The following OPCML variants were observed in gnomAD, a reference collection of about 807,000 sequenced individuals.
OPCML encodes the protein opioid-binding protein/cell adhesion molecule.
OPCML carries 13 observed loss-of-function variants against 37.8 expected under a neutral mutation model. That is an observed-to-expected ratio of 0.34 (90% CI 0.22 to 0.55). The LOEUF (loss-of-function observed/expected upper bound fraction) is 0.55. Ranked by LOEUF, OPCML falls within the 20% of genes least tolerant of loss-of-function variation. The pLI is 0.91. For synonymous variants in OPCML, 176 were observed against 168.8 expected, an observed-to-expected ratio of 1.04 and a Z score of -0.33; for missense variants, 341 against 435.6, an observed-to-expected ratio of 0.78 and a Z score of 1.93.
intron 1 of OPCML, among the ~76,000 whole-genome samples, chr11:133,341,803 A>G (rs1304227229): frequency 6.6e-6 from 1 of 152,122 alleles, no homozygotes; most frequent in Non-Finnish European, 1.5e-5. Context: ...CTGTAATCCC[A>G]GCTACTCGGG....
chr11:133,260,122 G>A (rs758254486), intron 1 of OPCML, among the ~76,000 whole-genome samples: 37 of 151,940 alleles, frequency 2.4e-4, no homozygotes, highest in Non-Finnish European at 3.8e-4. Flanking sequence ...TGTGGCTCTC[G>A]GGGGACAGAG....
chr11:133,312,610 G>A (rs942281167), intron 1 of OPCML, among the ~76,000 whole-genome samples: 1 of 152,208 alleles, frequency 6.6e-6, no homozygotes, highest in Non-Finnish European at 1.5e-5. Flanking sequence ...AAGAAAATTA[G>A]TGGAGGCTCA....
chr11:133,135,926 T>C (rs1949682649), intron 1 of OPCML, among the ~76,000 whole-genome samples: 1 of 152,142 alleles, frequency 6.6e-6, no homozygotes, highest in African/African-American at 2.4e-5. Context: ...AGTTGGAAAG[T>C]TGCCATATGT....
intron 1 of OPCML, among the ~76,000 whole-genome samples, chr11:133,309,281 T>C (rs953804668): frequency 2.3e-4 from 35 of 152,204 alleles, no homozygotes; most frequent in African/African-American, 8.4e-4. Flanking sequence ...CAATCTCATA[T>C]ACCAGCTGCT....
intron 1 of OPCML, among the ~76,000 whole-genome samples, chr11:133,527,677 T>G (rs1302932326): frequency 6.6e-6 from 1 of 152,220 alleles, no homozygotes; most frequent in Non-Finnish European, 1.5e-5. Context: ...TAGAAGTGTT[T>G]ATTTGTTATC....
At chr11:132,904,226 C>G (rs749089862) in intron 2 of OPCML, among the ~76,000 whole-genome samples, 2 of 152,172 alleles carry the variant, frequency 1.3e-5, no homozygotes, top group Non-Finnish European at 2.9e-5. Flanking sequence ...ACCTATTTGG[C>G]CATTAATACA....
intron 1 of OPCML, among the ~76,000 whole-genome samples, chr11:133,045,062 T>G (rs2136953985): frequency 6.6e-6 from 1 of 152,312 alleles, no homozygotes; most frequent in South Asian, 2.1e-4. Context: ...GCTACTGTCC[T>G]AGAGCTGGTT....
chr11:133,273,216 C>T (rs1005753738), intron 1 of OPCML, among the ~76,000 whole-genome samples: 47 of 152,190 alleles, frequency 3.1e-4, no homozygotes, highest in African/African-American at 1.1e-3. Context: ...CTCTTAGGCA[C>T]CTGAGTGAAC....
At chr11:133,199,933 T>A (rs1467223710) in intron 1 of OPCML, among the ~76,000 whole-genome samples, 1 of 152,134 alleles carries the variant, frequency 6.6e-6, no homozygotes, top group African/African-American at 2.4e-5. Flanking sequence ...AATGAAGGAA[T>A]AAACAAACTC....
At chr11:133,428,041 G>A (rs1417831642) in intron 1 of OPCML, among the ~76,000 whole-genome samples, 1 of 152,046 alleles carries the variant, frequency 6.6e-6, no homozygotes, top group Non-Finnish European at 1.5e-5. Flanking sequence ...ACACAGTTAC[G>A]AACATAGATG....
At chr11:133,308,738 A>C (rs575664351) in intron 1 of OPCML, among the ~76,000 whole-genome samples, 1 of 152,214 alleles carries the variant, frequency 6.6e-6, no homozygotes, top group Non-Finnish European at 1.5e-5. Context: ...CAATACAGAT[A>C]ACAAGGCCTG....
At chr11:132,547,421 G>A (rs559697762) in intron 3 of OPCML, among the ~76,000 whole-genome samples, 15 of 152,290 alleles carry the variant, frequency 9.8e-5, no homozygotes, top group East Asian at 9.7e-4. Flanking sequence ...GCTGAAGACC[G>A]TTGGTGGAGC....
intron 2 of OPCML, among the ~76,000 whole-genome samples, chr11:132,725,278 G>C (rs1469795874): frequency 6.6e-6 from 1 of 152,234 alleles, no homozygotes; most frequent in Non-Finnish European, 1.5e-5. Flanking sequence ...AAGCTGCCAA[G>C]ACTTGAGGCT....
chr11:132,941,206 T>TA (rs1449173314), intron 2 of OPCML, among the ~76,000 whole-genome samples: 2 of 152,154 alleles, frequency 1.3e-5, no homozygotes, highest in East Asian at 3.9e-4. Flanking sequence ...CAACAGCTAA[T>TA]AAAAAATTGG....
chr11:133,458,633 GTA>G lies in OPCML; in HGVS notation c.61+73629_61+73630del, dbSNP rs754571581. Among the ~76,000 whole-genome samples, 55 of 104,004 alleles carry G rather than the reference GTA, an allele frequency of 5.3e-4. 5 individuals are homozygous for G. Among genetic ancestry groups the G allele is most frequent in the Middle Eastern group, 4.2e-3 (1 of 238 alleles). 68.2% of individuals were successfully genotyped at this position (104,004 alleles called of 152,430 possible). A position where few individuals can be genotyped will look rare whatever the true frequency, so the allele number is the denominator to read the frequency against. ...TATACACATATATACACGTGTGTGT[GTA>G]TATACACATAGATGCACGTGTGTGT... On this transcript the variant is annotated intron_variant, in intron 1 of 7. Transcript: ENST00000524381.
intron 1 of OPCML, among the ~76,000 whole-genome samples, chr11:133,002,692 ATGTGTGGG>A (rs1272749947): frequency 6.7e-6 from 1 of 148,922 alleles, no homozygotes; most frequent in Non-Finnish European, 1.5e-5. Context: ...TAGATAATAT[ATGTGTGGG>A]TGTGAATGTG....
intron 3 of OPCML, among the ~76,000 whole-genome samples, chr11:132,616,830 C>T (rs1939057901): frequency 6.6e-6 from 1 of 152,154 alleles, no homozygotes; most frequent in South Asian, 2.1e-4. Flanking sequence ...TTCCACACCC[C>T]TCAGACTATA....
chr11:132,532,816 T>G (rs1275935420), intron 3 of OPCML, among the ~76,000 whole-genome samples: 1 of 152,162 alleles, frequency 6.6e-6, no homozygotes, highest in Admixed American at 6.5e-5. Flanking sequence ...CCCAGGGCCA[T>G]GCATGCTGCT....
chr11:132,999,708 C>T (rs917257396), intron 1 of OPCML, among the ~76,000 whole-genome samples: 6 of 152,128 alleles, frequency 3.9e-5, no homozygotes, highest in South Asian at 2.1e-4. Flanking sequence ...GGAACTCCGG[C>T]GCCAAGGAGG....
Sources: allele counts gnomAD v4.1 joint callset (sites outside exome capture counted in the v4.1 genomes callset), GRCh38; gene constraint gnomAD v4.1.1; transcripts MANE v1.5; gene names NCBI Gene and HGNC (gene_info 2026-07-23, HGNC 2026-07-21).